UBAP2: variants seen among roughly 807,000 people sequenced by gnomAD.
UBAP2 encodes ubiquitin associated protein 2.
UBAP2 carries 75 observed loss-of-function variants against 139.6 expected under a neutral mutation model. The ratio of observed to expected loss-of-function variants is 0.54; its 90% CI spans 0.45 to 0.65. The LOEUF (loss-of-function observed/expected upper bound fraction) is 0.65, where lower values mean the gene tolerates loss of function less well. UBAP2 is among the 30% of genes least tolerant of loss of function. The probability of loss-of-function intolerance (pLI) is 0.00; values close to 1 mark genes in which losing one functional copy is unlikely to be tolerated. For synonymous variants in UBAP2, 526 were observed against 526.2 expected (o/e 1.00, Z 0.01); for missense variants, 1,368 against 1,369.6 (o/e 1.00, Z 0.02).
At position 33,927,099 on chromosome 9, in the gene UBAP2, C is replaced by T; in HGVS notation, c.2372-19G>A. The stretch of plus-strand genomic sequence containing the variant: ...GCTTTGCCTGTATAGAGGGAAAAAT[C>T]AAATGGAGTGAAATGGTCACCACAA... On this transcript the variant is annotated intron_variant, in intron 20 of 28. Coordinates refer to ENST00000379238, the MANE Select transcript of UBAP2 (RefSeq NM_001370062.2). 1.3e-6 allele frequency: 2 copies of T among 1,586,156 alleles called. No homozygotes were observed. Among genetic ancestry groups the T allele is most frequent in the Non-Finnish European group, 1.7e-6 (2 of 1,161,822 alleles).
At chr9:34,035,632 T>G (rs1299754455) in intron 1 of UBAP2, among the ~76,000 whole-genome samples, 1 of 146,402 alleles carries the variant, frequency 6.8e-6, no homozygotes, top group African/African-American at 2.5e-5. Context: ...TTGCAGTGAG[T>G]CGAGATCGTG....
intron 11 of UBAP2, 133 bp from the exon 12 acceptor site, chr9:33,953,607 A>G (rs1826288144): frequency 1.2e-6 from 1 of 824,358 alleles, no homozygotes; most frequent in Non-Finnish European, 1.8e-6. Context: ...AATGGGGTTT[A>G]AGGGGGCAAA....
chr9:33,961,616 G>T (rs534854931), intron 9 of UBAP2, among the ~76,000 whole-genome samples: 46 of 152,240 alleles, frequency 3.0e-4, no homozygotes, highest in African/African-American at 1.0e-3. Flanking sequence ...CATAGATAAT[G>T]GTTTTAAAGG....
intron 10 of UBAP2, 102 bp from the exon 11 acceptor site, chr9:33,956,248 G>A (rs902238084): frequency 2.1e-5 from 15 of 703,194 alleles, no homozygotes; most frequent in Middle Eastern, 3.8e-4. Context: ...CTTACACTTC[G>A]CATAACAGCT....
intron 1 of UBAP2, among the ~76,000 whole-genome samples, chr9:34,036,193 C>A (rs1240902703): frequency 6.6e-6 from 1 of 151,388 alleles, no homozygotes; most frequent in Non-Finnish European, 1.5e-5. Context: ...TGGCTCACTG[C>A]AACCTCCGCC....
At chr9:34,047,459 G>C (rs904858183) in intron 1 of UBAP2, among the ~76,000 whole-genome samples, 8 of 150,706 alleles carry the variant, frequency 5.3e-5, no homozygotes, top group Admixed American at 3.3e-4. Context: ...TGTAGGATAC[G>C]GGAGAGCTTA....
chr9:34,020,325 A>ATT (rs574825348), intron 1 of UBAP2, among the ~76,000 whole-genome samples: 11 of 145,534 alleles, frequency 7.6e-5, no homozygotes, highest in East Asian at 2.0e-4. Context: ...AGAGCCAATG[A>ATT]TTTTTTTTTT....
chr9:33,986,776 C>T lies in UBAP2; in HGVS notation c.504G>A (p.Lys168=), dbSNP rs1442430354. 1 of 1,613,982 alleles carries T rather than the reference C, an allele frequency of 6.2e-7. No individual in the cohort carries two copies. The highest frequency in any genetic ancestry group is 1.3e-5 in the African/African-American group (1 of 74,940). The part of the protein sequence containing the change: ...NQVDKPSDRG[K]RARGRGFGRG... ...CTAGCTTACCTCTACCCCGGGCTCGCTTGCCACGATCTGAAGGTTTGTCCA... is the reference window on the plus strand; with the variant it reads ...CTAGCTTACCTCTACCCCGGGCTCGTTTGCCACGATCTGAAGGTTTGTCCA... Residue 168 remains lysine (K), a synonymous_variant, in exon 6 of 29, where the codon AAG becomes AAA. Transcript: ENST00000379238.
In UBAP2 at chr9:34,037,023, C is replaced by T. The variant is rs1474737311; in HGVS notation, c.-42+11802G>A. Among the ~76,000 whole-genome samples, 5 of 124,578 alleles carry T rather than the reference C, an allele frequency of 4.0e-5. No homozygotes were observed. The East Asian group carries it at 1.2e-3, about 30-fold the overall frequency. The allele number at this position is 124,578 out of a possible 152,430, so 81.7% of individuals were successfully genotyped here. On this transcript the variant is annotated intron_variant, in intron 1 of 28. Coordinates refer to ENST00000379238, the MANE Select transcript of UBAP2 (RefSeq NM_001370062.2). ...TTTTTTTTTTTGAGAGAGTCTCGCT[C>T]TATCACCCGGGCTGGAGTGCAGTGG...
In UBAP2 at chr9:34,029,685, AAAG is replaced by A. The variant is rs1244271023; in HGVS notation, c.-41-12499_-41-12497del. 7.9e-5 allele frequency among the ~76,000 whole-genome samples: 12 copies of A among 151,982 alleles called. No homozygotes were observed. The Middle Eastern group carries it at 0.017, about 217-fold the overall frequency. ...ACCTTGTCTCTATTTAAAAAAATAA[AAAG>A]AAGAAGAAGGAAGAAATGCGGCCAG... On this transcript the variant is annotated intron_variant, in intron 1 of 28. Coordinates refer to ENST00000379238, the MANE Select transcript of UBAP2 (RefSeq NM_001370062.2).
intron 7 of UBAP2, 50 bp from the exon 8 acceptor site, chr9:33,971,804 A>G (rs753391296): frequency 9.1e-7 from 1 of 1,096,034 alleles, no homozygotes; most frequent in East Asian, 2.4e-5. Context: ...CAAACACCTA[A>G]GCCAAAATAT....
chr9:33,957,246 T>C (rs1335000412), intron 10 of UBAP2, among the ~76,000 whole-genome samples: 1 of 152,236 alleles, frequency 6.6e-6, no homozygotes, highest in African/African-American at 2.4e-5. Flanking sequence ...AAAAAATTAA[T>C]TTTATCACAT....
chr9:33,995,461 T>G (rs986441971), intron 4 of UBAP2: 1 of 138,456 alleles, frequency 7.2e-6, no homozygotes. Context: ...ATATATAATA[T>G]ATATTAAATA....
At chr9:33,936,017 TAAAC>T (rs765043931) in intron 16 of UBAP2, 139 bp from the exon 17 acceptor site, 30 of 1,007,562 alleles carry the variant, frequency 3.0e-5, no homozygotes, top group African/African-American at 2.8e-4. Context: ...AAAGGGAAGA[TAAAC>T]AACAAACTCT....
In UBAP2 at chr9:33,956,161, G is replaced by C. The variant is rs1736625743; in HGVS notation, c.799-15C>G. 1.2e-6 allele frequency: 2 copies of C among 1,608,910 alleles called. No homozygotes were observed. Among genetic ancestry groups the C allele is most frequent in the South Asian group, 2.2e-5 (2 of 90,698 alleles). ...GTTTCAGAAAGCTGTATGGAAAGTT[G>C]AAAAATTTAATCTTATTCTACATAC... is the stretch of plus-strand genomic sequence containing the variant. On this transcript the variant is annotated splice_polypyrimidine_tract_variant and intron_variant, in intron 10 of 28. Transcript: ENST00000379238.
chr9:33,997,809 G>C (rs1199393395), intron 3 of UBAP2: 2 of 152,140 alleles, frequency 1.3e-5, no homozygotes, highest in African/African-American at 4.8e-5. Flanking sequence ...ATCTCAAACT[G>C]TATGAAGATC....
chr9:33,941,898 T>TA, intron 15 of UBAP2, 36 bp from the exon 16 acceptor site: 1 of 1,485,750 alleles, frequency 6.7e-7, no homozygotes, highest in Non-Finnish European at 9.3e-7. Flanking sequence ...ATAATTTTGT[T>TA]ACTTTAAATA....
chr9:33,942,510 T>C (rs1345418500), intron 15 of UBAP2, among the ~76,000 whole-genome samples: 2 of 152,058 alleles, frequency 1.3e-5, no homozygotes, highest in African/African-American at 2.4e-5. Flanking sequence ...GGCAGATTCA[T>C]TGAGCTCCAG....
At chr9:33,973,965 G>A (rs914024583) in intron 6 of UBAP2, among the ~76,000 whole-genome samples, 1 of 152,182 alleles carries the variant, frequency 6.6e-6, no homozygotes, top group Admixed American at 6.5e-5. Context: ...TCAACAATTT[G>A]GGAGGCTGAG....
Sources: gnomAD v4.1 joint callset for allele counts (sites outside exome capture counted in the v4.1 genomes callset) on GRCh38, gnomAD v4.1.1 for gene constraint, MANE v1.5 for transcripts, NCBI Gene and HGNC (gene_info 2026-07-23, HGNC 2026-07-21) for gene names.